NOL4: variants seen among roughly 807,000 people sequenced by gnomAD.
NOL4 encodes nucleolar protein 4, also known as cancer/testis antigen 125.
NOL4 carries 17 observed loss-of-function variants against 75.9 expected under a neutral mutation model. That is an observed-to-expected ratio of 0.22 (90% confidence interval 0.15 to 0.34). The LOEUF (loss-of-function observed/expected upper bound fraction) is 0.34, where lower values mean the gene tolerates loss of function less well. Ranked by LOEUF, NOL4 falls within the 10% of genes least tolerant of loss-of-function variation. The pLI is 1.00. For missense variants in NOL4, 614 were observed against 793.5 expected, an observed-to-expected ratio of 0.77 and a Z score of 2.72; for synonymous variants, 292 against 289.9, an observed-to-expected ratio of 1.01 and a Z score of -0.07.
chr18:34,004,995 G>A (rs1194380123), intron 6 of NOL4, among the ~76,000 whole-genome samples: 1 of 151,890 alleles, frequency 6.6e-6, no homozygotes, highest in Non-Finnish European at 1.5e-5. Context: ...TTCCTATTTG[G>A]TGCTCAAACT....
chr18:33,855,336 G>T (rs2062791109), intron 10 of NOL4, among the ~76,000 whole-genome samples: 1 of 151,984 alleles, frequency 6.6e-6, no homozygotes, highest in African/African-American at 2.4e-5. Flanking sequence ...CCAACAATAT[G>T]ATCTGATTAG....
intron 5 of NOL4, among the ~76,000 whole-genome samples, chr18:34,068,179 G>C (rs1004594199): frequency 6.6e-6 from 1 of 152,172 alleles, no homozygotes; most frequent in African/African-American, 2.4e-5. Context: ...ACCTGCTACA[G>C]AGGGAGAGGC....
intron 2 of NOL4, among the ~76,000 whole-genome samples, chr18:34,106,385 C>A (rs1341800177): frequency 6.6e-6 from 1 of 151,890 alleles, no homozygotes; most frequent in East Asian, 1.9e-4. Flanking sequence ...ATAGCCTATC[C>A]TATTGACTTT....
chr18:33,870,591 G>A (rs2063652084), intron 10 of NOL4, among the ~76,000 whole-genome samples: 1 of 151,944 alleles, frequency 6.6e-6, no homozygotes. Flanking sequence ...TATTATAAAT[G>A]TACGAAAGAT....
At chr18:33,938,077 A>T (rs1431902834) in intron 9 of NOL4, among the ~76,000 whole-genome samples, 1 of 152,096 alleles carries the variant, frequency 6.6e-6, no homozygotes, top group Non-Finnish European at 1.5e-5. Context: ...ATGAAAATAC[A>T]TTATAGGATT....
chr18:33,907,591 G>C (rs188045258), intron 9 of NOL4, among the ~76,000 whole-genome samples: 1 of 152,176 alleles, frequency 6.6e-6, no homozygotes, highest in Non-Finnish European at 1.5e-5. Context: ...GCACAATGGA[G>C]GTACATTTTT....
chr18:33,936,859 G>T (rs1487080105), intron 9 of NOL4, among the ~76,000 whole-genome samples: 1 of 152,052 alleles, frequency 6.6e-6, no homozygotes, highest in African/African-American at 2.4e-5. Context: ...TACACTGATA[G>T]GAGATAAATC....
intron 5 of NOL4, among the ~76,000 whole-genome samples, chr18:34,058,661 A>C (rs2076934085): frequency 6.6e-6 from 1 of 152,090 alleles, no homozygotes; most frequent in Admixed American, 6.5e-5. Context: ...CTTCATAACA[A>C]ATCTGTGAAC....
rs1568234060 is a variant in NOL4 at position 34,024,197 on chromosome 18, ATAT to A, written c.773-4599_773-4597del. On this transcript the variant is annotated intron_variant, in intron 5 of 10. Coordinates refer to ENST00000261592, the MANE Select transcript of NOL4 (RefSeq NM_003787.5). The stretch of plus-strand genomic sequence containing the variant: ...AATAAACAGGAAAAAAAAAAAAAAT[ATAT>A]ATATATATATATATAAAATCCTCAT... 2.6e-4 allele frequency among the ~76,000 whole-genome samples: 26 copies of A among 100,798 alleles called. 1 individual carries two copies. The highest frequency in any genetic ancestry group is 9.7e-4 in the African/African-American group (26 of 26,806). 66.1% of individuals were successfully genotyped at this position (100,798 alleles called of 152,430 possible). A position where few individuals can be genotyped will look rare whatever the true frequency, so the allele number is the denominator to read the frequency against.
intron 5 of NOL4, among the ~76,000 whole-genome samples, chr18:34,071,171 C>T (rs1334489305): frequency 6.6e-6 from 1 of 152,080 alleles, no homozygotes; most frequent in Admixed American, 6.5e-5. Flanking sequence ...TTGATCATTA[C>T]ACAATGTATA....
In NOL4 at chr18:34,023,343, A is replaced by G. The variant is rs1311593927; in HGVS notation, c.773-3742T>C. On this transcript the variant is annotated intron_variant, in intron 5 of 10. Transcript: ENST00000261592. ...TTTTATTCTCTTTCCCTCTCTCCCT[A>G]AAAGATACTTTTTAAGAATTTAAAA... 9.0e-6 allele frequency: 4 copies of G among 446,902 alleles called. No homozygotes were observed. The East Asian group carries it at 2.1e-4, about 24-fold the overall frequency. 27.7% of individuals were successfully genotyped at this position (446,902 alleles called of 1,614,324 possible).
intron 5 of NOL4, among the ~76,000 whole-genome samples, chr18:34,071,762 T>G (rs1026265860): frequency 2.6e-5 from 4 of 152,172 alleles, no homozygotes; most frequent in African/African-American, 9.7e-5. Context: ...TTAGGTGTAT[T>G]AAATGCATTT....
rs543045505 is a variant in NOL4, at chr18:33,999,143, G to GT, written c.1056+20174dup. On this transcript the variant is annotated intron_variant, in intron 6 of 10. Coordinates refer to ENST00000261592, the MANE Select transcript of NOL4 (RefSeq NM_003787.5). ...TTTTTTTTGATACAGATAATGCTGA[G>GT]TTTTTTTTTTTTTTTTTTAGACAGT... Among the ~76,000 whole-genome samples, 671 of 133,568 alleles carry GT rather than the reference G, an allele frequency of 5.0e-3. 5 individuals are homozygous for GT. Among genetic ancestry groups the GT allele is most frequent in the East Asian group, 0.02 (91 of 4,478 alleles). 87.6% of individuals were successfully genotyped at this position (133,568 alleles called of 152,430 possible). A position where few individuals can be genotyped will look rare whatever the true frequency, so the allele number is the denominator to read the frequency against.
chr18:33,913,288 A>G (rs1337341440), intron 9 of NOL4, among the ~76,000 whole-genome samples: 1 of 152,092 alleles, frequency 6.6e-6, no homozygotes, highest in Non-Finnish European at 1.5e-5. Context: ...TACCCTACCA[A>G]TACATTATCT....
At chr18:34,046,602 T>TTATATATATATATA (rs2076375551) in intron 5 of NOL4, among the ~76,000 whole-genome samples, 1 of 32,100 alleles carries the variant, frequency 3.1e-5, no homozygotes, top group African/African-American at 1.0e-4. Context: ...TACTATTTAC[T>TTATATATATATATA]TATACATATA....
chr18:34,110,438 T>C (rs1039172278), intron 2 of NOL4, among the ~76,000 whole-genome samples: 13 of 152,134 alleles, frequency 8.5e-5, no homozygotes, highest in Non-Finnish European at 1.6e-4. Flanking sequence ...AAAAGTAATA[T>C]AATCATCTCA....
intron 5 of NOL4, among the ~76,000 whole-genome samples, chr18:34,020,878 G>A (rs1400389070): frequency 6.6e-6 from 1 of 152,062 alleles, no homozygotes; most frequent in Non-Finnish European, 1.5e-5. Context: ...GTATTAAATT[G>A]TTTCATTTAG....
chr18:34,011,136 A>G (rs2074347293), intron 6 of NOL4, among the ~76,000 whole-genome samples: 1 of 151,768 alleles, frequency 6.6e-6, no homozygotes, highest in Non-Finnish European at 1.5e-5. Flanking sequence ...GAGGTGATGG[A>G]AACTCCAATT....
intron 4 of NOL4, among the ~76,000 whole-genome samples, chr18:34,098,234 G>A (rs1408780023): frequency 1.3e-5 from 2 of 152,116 alleles, no homozygotes; most frequent in Non-Finnish European, 2.9e-5. Flanking sequence ...AAATATGGCA[G>A]AAGTGATGCT....
Sources: gnomAD v4.1 joint callset for allele counts (sites outside exome capture counted in the v4.1 genomes callset) on GRCh38, gnomAD v4.1.1 for gene constraint, MANE v1.5 for transcripts, NCBI Gene and HGNC (gene_info 2026-07-23, HGNC 2026-07-21) for gene names.